FGGY: variants seen among roughly 807,000 people sequenced by gnomAD.
The protein encoded by FGGY is FGGY carbohydrate kinase domain-containing protein.
Under a neutral mutation model 71.3 loss-of-function variants are expected in FGGY, and 72 were observed. The ratio of observed to expected loss-of-function variants is 1.01; its 90% CI spans 0.84 to 1.23. The LOEUF is 1.23. Ranked by LOEUF, FGGY falls within the 50% of genes most tolerant of loss-of-function variation. FGGY has a pLI of 0.00. For missense variants in FGGY, 668 were observed against 682.3 expected, an observed-to-expected ratio of 0.98 and a Z score of 0.23; for synonymous variants, 251 against 250.3, an observed-to-expected ratio of 1.00 and a Z score of -0.02.
intron 6 of FGGY, among the ~76,000 whole-genome samples, chr1:59,499,471 C>T (rs2094155610): frequency 6.6e-6 from 1 of 151,868 alleles, no homozygotes; most frequent in Non-Finnish European, 1.5e-5. Flanking sequence ...CAATTTAAAA[C>T]TTATGAATTG....
At chr1:59,668,977 G>A (rs1292275227) in intron 13 of FGGY, among the ~76,000 whole-genome samples, 3 of 114,282 alleles carry the variant, frequency 2.6e-5, no homozygotes, top group East Asian at 2.7e-4. Flanking sequence ...GGCAACAAGA[G>A]CAAAACTCCA....
chr1:59,347,417 G>C (rs1413210548), intron 4 of FGGY, among the ~76,000 whole-genome samples: 1 of 152,088 alleles, frequency 6.6e-6, no homozygotes, highest in African/African-American at 2.4e-5. Flanking sequence ...CCCTACAAAG[G>C]ACGTGTGAAC....
At chr1:59,463,976 G>A (rs964512634) in intron 6 of FGGY, among the ~76,000 whole-genome samples, 1 of 152,134 alleles carries the variant, frequency 6.6e-6, no homozygotes, top group Non-Finnish European at 1.5e-5. Context: ...GCTTAACAAG[G>A]ATACCCAGGA....
At chr1:59,698,559 A>T (rs1419004104) in intron 14 of FGGY, 1 of 154,594 alleles carries the variant, frequency 6.5e-6, no homozygotes, top group Non-Finnish European at 1.4e-5. Flanking sequence ...TGTGACAAAG[A>T]AGGAAGCCTG....
chr1:59,338,488 T>C (rs981038319), intron 2 of FGGY, among the ~76,000 whole-genome samples: 1 of 152,142 alleles, frequency 6.6e-6, no homozygotes, highest in African/African-American at 2.4e-5. Flanking sequence ...TTTGTGGGAA[T>C]GTTTTAAGCA....
At chr1:59,310,512 TG>T (rs2044123611) in intron 1 of FGGY, among the ~76,000 whole-genome samples, 1 of 152,210 alleles carries the variant, frequency 6.6e-6, no homozygotes, top group Non-Finnish European at 1.5e-5. Flanking sequence ...GGGATTAAAA[TG>T]AAATAACCCT....
chr1:59,520,057 A>G (rs1264985545), intron 7 of FGGY, among the ~76,000 whole-genome samples: 1 of 152,136 alleles, frequency 6.6e-6, no homozygotes, highest in Non-Finnish European at 1.5e-5. Context: ...GCCCAGGCCA[A>G]CCCCCTGCAA....
chr1:59,408,600 A>G (rs550583448), intron 5 of FGGY, among the ~76,000 whole-genome samples: 2 of 152,326 alleles, frequency 1.3e-5, no homozygotes, highest in South Asian at 2.1e-4. Context: ...ATATATGTAT[A>G]TGCAGGCACA....
At chr1:59,541,372 G>A (rs529975828) in intron 7 of FGGY, among the ~76,000 whole-genome samples, 2 of 152,256 alleles carry the variant, frequency 1.3e-5, no homozygotes, top group East Asian at 3.9e-4. Context: ...ACAATGAAAA[G>A]GACCATCTAA....
chr1:59,550,225 A>G (rs529475414), intron 7 of FGGY, among the ~76,000 whole-genome samples: 1 of 152,256 alleles, frequency 6.6e-6, no homozygotes, highest in African/African-American at 2.4e-5. Flanking sequence ...ACTTGTGTCA[A>G]ATTGTTTCCT....
intron 5 of FGGY, among the ~76,000 whole-genome samples, chr1:59,381,187 T>G (rs1163288338): frequency 6.6e-6 from 1 of 152,208 alleles, no homozygotes; most frequent in African/African-American, 2.4e-5. Context: ...CTGTTTTGGT[T>G]ACTGTAGCCT....
intron 12 of FGGY, among the ~76,000 whole-genome samples, chr1:59,663,775 A>C (rs1029740644): frequency 6.6e-6 from 1 of 152,210 alleles, no homozygotes; most frequent in East Asian, 1.9e-4. Context: ...TTAGGCAAAA[A>C]AATGTGCATT....
intron 1 of FGGY, among the ~76,000 whole-genome samples, chr1:59,311,263 C>CT (rs945352953): frequency 4.7e-5 from 7 of 150,064 alleles, no homozygotes; most frequent in South Asian, 2.1e-4. Flanking sequence ...TTTAAAGATT[C>CT]TTTTTTTTCA....
intron 4 of FGGY, among the ~76,000 whole-genome samples, chr1:59,358,367 A>G (rs1246552786): frequency 6.6e-6 from 1 of 152,172 alleles, no homozygotes; most frequent in African/African-American, 2.4e-5. Flanking sequence ...TCTGGTAACT[A>G]CTAGGTACAA....
At chr1:59,654,468 C>A (rs1190260117) in intron 11 of FGGY, among the ~76,000 whole-genome samples, 1 of 152,208 alleles carries the variant, frequency 6.6e-6, no homozygotes, top group Non-Finnish European at 1.5e-5. Flanking sequence ...ATAGAAAAAT[C>A]TCAGGACTTG....
chr1:59,318,183 C>A (rs1242526233), intron 1 of FGGY, among the ~76,000 whole-genome samples: 1 of 152,160 alleles, frequency 6.6e-6, no homozygotes, highest in Non-Finnish European at 1.5e-5. Context: ...TTTTCCTCAT[C>A]AGTAAAATGG....
chr1:59,551,204 TGTTGTG>T (rs1056153398), intron 7 of FGGY, among the ~76,000 whole-genome samples: 8 of 152,298 alleles, frequency 5.3e-5, no homozygotes, highest in African/African-American at 1.9e-4. Flanking sequence ...AACCATGTGA[TGTTGTG>T]ATTTTCCTCA....
chr1:59,306,674 G>GA (rs1294063862), intron 1 of FGGY, among the ~76,000 whole-genome samples: 1 of 152,212 alleles, frequency 6.6e-6, no homozygotes, highest in Non-Finnish European at 1.5e-5. Context: ...CTAGAAGACA[G>GA]AGGATTAGAG....
At chr1:59,759,580 AGCT>A (rs2098325167) in intron 15 of FGGY, among the ~76,000 whole-genome samples, 1 of 152,128 alleles carries the variant, frequency 6.6e-6, no homozygotes, top group Non-Finnish European at 1.5e-5. Flanking sequence ...GCTTGCTGGG[AGCT>A]GGCAGCTGGC....
Sources: gnomAD v4.1 joint callset for allele counts (sites outside exome capture counted in the v4.1 genomes callset) on GRCh38, gnomAD v4.1.1 for gene constraint, MANE v1.5 for transcripts, NCBI Gene and HGNC (gene_info 2026-07-23, HGNC 2026-07-21) for gene names.